SIGLEC5: variants seen among roughly 807,000 people sequenced by gnomAD.
SIGLEC5 encodes the protein sialic acid-binding Ig-like lectin 5.
In SIGLEC5, 34 loss-of-function variants were observed where a neutral mutation model predicts 45.9. The ratio of observed to expected loss-of-function variants is 0.74; its 90% CI spans 0.56 to 0.99. The LOEUF is 0.99. Among genes scored for constraint, SIGLEC5 ranks in the 50% least tolerant of loss-of-function variants. The probability of loss-of-function intolerance (pLI) is 0.00; values close to 1 mark genes in which losing one functional copy is unlikely to be tolerated. For synonymous variants in SIGLEC5, 203 were observed against 258.6 expected (o/e 0.79, Z 2.06); for missense variants, 508 against 629.6 (o/e 0.81, Z 2.07).
intron 8 of SIGLEC5, among the ~76,000 whole-genome samples, chr19:51,620,074 T>TAA (rs1555788073): frequency 6.6e-6 from 1 of 151,110 alleles, no homozygotes; most frequent in Non-Finnish European, 1.5e-5. Context: ...TATATATATA[T>TAA]AACTTAGGTG....
chr19:51,619,225 C>T (rs1223045786), intron 8 of SIGLEC5, among the ~76,000 whole-genome samples: 2 of 152,188 alleles, frequency 1.3e-5, no homozygotes, highest in Admixed American at 6.5e-5. Context: ...CAGGTGCCTG[C>T]CACCATCCAG....
chr19:51,629,271 T>TACACACACACACACAC lies in SIGLEC5; in HGVS notation c.700+71_700+86dup, dbSNP rs72330913. The TACACACACACACACAC allele has an allele frequency of 3.1e-5, 44 of 1,439,712 alleles. No homozygotes were observed. In the East Asian group the frequency reaches 5.1e-4, roughly 17 times the overall value. 89.2% of individuals were successfully genotyped at this position (1,439,712 alleles called of 1,614,324 possible). ...TTGTTTTGTTTCTCTCTGTCTTCCT[T>TACACACACACACACAC]ACACACACACACACACACACACACA... On this transcript the variant is annotated intron_variant, in intron 3 of 8. Transcript: ENST00000683636.
intron 8 of SIGLEC5, among the ~76,000 whole-genome samples, chr19:51,619,478 T>A (rs753564638): frequency 6.6e-6 from 1 of 152,182 alleles, no homozygotes; most frequent in Non-Finnish European, 1.5e-5. Context: ...AAAGTAGATA[T>A]CATAAAACCA....
chr19:51,611,002 A>G lies in SIGLEC5; in HGVS notation c.*1229T>C, dbSNP rs1427547821. Among the ~76,000 whole-genome samples the G allele has an allele frequency of 6.6e-6, 1 of 152,202 alleles. No homozygotes were observed. The highest frequency in any genetic ancestry group is 1.5e-5 in the Non-Finnish European group (1 of 68,030). ...TTTATTATTTTCAACACAAGGCTTG[A>G]TCAAAATTATCTAACCTGTCATAAC... On this transcript the variant is annotated 3_prime_UTR_variant, in exon 9 of 9. Coordinates refer to ENST00000683636, the MANE Select transcript of SIGLEC5 (RefSeq NM_003830.4).
chr19:51,627,814 C>T lies in SIGLEC5; in HGVS notation c.997+20G>A, dbSNP rs192856216. The T allele has an allele frequency of 2.4e-5, 38 of 1,584,930 alleles. No homozygotes were observed. Among genetic ancestry groups the T allele is most frequent in the Middle Eastern group, 3.4e-4 (2 of 5,882 alleles). ...TCTTTAATACCATGCAGTTCCTGCTCCAGCTGCCCCCACACTCACAGTAAA... is the reference window on the plus strand; with the variant it reads ...TCTTTAATACCATGCAGTTCCTGCTTCAGCTGCCCCCACACTCACAGTAAA... On this transcript the variant is annotated intron_variant, in intron 5 of 8. Coordinates refer to ENST00000683636, the MANE Select transcript of SIGLEC5 (RefSeq NM_003830.4).
chr19:51,629,364 C>G lies in SIGLEC5; in HGVS notation c.694G>C (p.Val232Leu). The G allele has an allele frequency of 6.2e-7, 1 of 1,613,790 alleles. No individual in the cohort carries two copies. Among genetic ancestry groups the G allele is most frequent in the Non-Finnish European group, 8.5e-7 (1 of 1,179,982 alleles). ...TGTCCCCAGCACCACTCACAGGAGACATTGAGCTGGACAGTTCTCTCCGTG... is the reference window on the plus strand; with the variant it reads ...TGTCCCCAGCACCACTCACAGGAGAGATTGAGCTGGACAGTTCTCTCCGTG... ...VTTERTVQLN[V>L]SYAPQTITIF... The change falls in exon 3 of 9, where the codon GTC becomes CTC. Residue 232 changes from valine (V) to leucine (L), a missense_variant. Physicochemically the swap from Val to Leu is conservative, Grantham distance 32 (BLOSUM62 1). This residue lies in a region of SIGLEC5 where 431 missense variants were observed against 428.8 expected (regional missense o/e 1.01). Coordinates refer to ENST00000683636, the MANE Select transcript of SIGLEC5 (RefSeq NM_003830.4).
intron 8 of SIGLEC5, among the ~76,000 whole-genome samples, chr19:51,619,266 G>C (rs1002422144): frequency 1.3e-5 from 2 of 152,230 alleles, no homozygotes; most frequent in Admixed American, 1.3e-4. Flanking sequence ...ATTTTTAGTA[G>C]AGACGGGGTT....
chr19:51,627,300 T>A, intron 6 of SIGLEC5, 52 bp from the exon 7 acceptor site: 1 of 1,580,242 alleles, frequency 6.3e-7, no homozygotes, highest in Non-Finnish European at 8.7e-7. Flanking sequence ...CAGACTCTTG[T>A]CCTCCCACCT....
intron 8 of SIGLEC5, among the ~76,000 whole-genome samples, chr19:51,613,142 G>T (rs1943350539): frequency 6.6e-6 from 1 of 152,184 alleles, no homozygotes; most frequent in Admixed American, 6.5e-5. Flanking sequence ...ACCGGACACA[G>T]GTCATAGGAA....
intron 8 of SIGLEC5, among the ~76,000 whole-genome samples, chr19:51,622,274 G>T (rs1445770513): frequency 6.6e-6 from 1 of 151,824 alleles, no homozygotes; most frequent in Non-Finnish European, 1.5e-5. Context: ...TGGGACTACA[G>T]GTGCCCACCA....
At chr19:51,614,752 C>A (rs138966005) in intron 8 of SIGLEC5, among the ~76,000 whole-genome samples, 1 of 152,242 alleles carries the variant, frequency 6.6e-6, no homozygotes, top group African/African-American at 2.4e-5. Flanking sequence ...TTTCTTTGGG[C>A]TAGATGCCGT....
intron 8 of SIGLEC5, among the ~76,000 whole-genome samples, chr19:51,619,300 T>C (rs546873409): frequency 6.6e-6 from 1 of 152,280 alleles, no homozygotes; most frequent in Non-Finnish European, 1.5e-5. Flanking sequence ...CAGGCTGGTC[T>C]TGAACTCCTG....
Position 51,625,555 on chromosome 19 carries a change from C to A in SIGLEC5, c.1464+477G>T, listed in dbSNP as rs10421678. On this transcript the variant is annotated intron_variant, in intron 8 of 8. Coordinates refer to ENST00000683636, the MANE Select transcript of SIGLEC5 (RefSeq NM_003830.4). ...TTTAGAAAGAAGGTTGGTGGCCGGG[C>A]GCGGTGGCTTACGCCTGTAATCCCA... 5.6e-3 allele frequency among the ~76,000 whole-genome samples: 845 copies of A among 152,244 alleles called. 5 individuals are homozygous for A. Among genetic ancestry groups the A allele is most frequent in the African/African-American group, 0.019 (808 of 41,536 alleles).
chr19:51,623,254 AT>A (rs993122788), intron 8 of SIGLEC5, among the ~76,000 whole-genome samples: 2 of 152,026 alleles, frequency 1.3e-5, no homozygotes, highest in East Asian at 1.9e-4. Context: ...GATGGGTGAA[AT>A]TTTTTTTAAT....
At chr19:51,629,155 G>A (rs1262860111) in intron 3 of SIGLEC5, 79 bp from the exon 4 acceptor site, 16 of 1,557,370 alleles carry the variant, frequency 1.0e-5, no homozygotes, top group Admixed American at 5.2e-5. Context: ...CCAAAGAGGA[G>A]CCACAGAAAC....
At chr19:51,623,245 A>G (rs1164641010) in intron 8 of SIGLEC5, among the ~76,000 whole-genome samples, 1 of 152,210 alleles carries the variant, frequency 6.6e-6, no homozygotes, top group Non-Finnish European at 1.5e-5. Flanking sequence ...TAATCTTAGG[A>G]TGGGTGAAAT....
chr19:51,618,462 A>C (rs1286438805), intron 8 of SIGLEC5, among the ~76,000 whole-genome samples: 5 of 150,274 alleles, frequency 3.3e-5, no homozygotes, highest in African/African-American at 1.2e-4. Context: ...AAAAAAAAAA[A>C]AAAAAACATC....
intron 8 of SIGLEC5, among the ~76,000 whole-genome samples, chr19:51,619,704 A>T (rs1983210364): frequency 6.6e-6 from 1 of 152,164 alleles, no homozygotes; most frequent in African/African-American, 2.4e-5. Context: ...ATTTATCCCT[A>T]ACTACGTTTT....
rs144851057 is a variant in SIGLEC5, at chr19:51,629,045, G to A, written c.732C>T (p.Asn244=). The A allele has an allele frequency of 2.6e-4, 425 of 1,613,782 alleles. No homozygotes were observed. The African/African-American group carries it at 4.0e-3, about 15-fold the overall frequency. ...AGAGGAGGTCTTTCCTACCTATGCC[G>A]TTCCTGAAGATGGTGATGGTCTGTG... ...YAPQTITIFR[N]GIALEILQNT... Residue 244 remains asparagine (N), a synonymous_variant, in exon 4 of 9, where the codon AAC becomes AAT. Transcript: ENST00000683636.
Sources: allele counts gnomAD v4.1 joint callset (sites outside exome capture counted in the v4.1 genomes callset), GRCh38; gene constraint gnomAD v4.1.1; regional missense constraint gnomAD v4.1.1; transcripts MANE v1.5; gene names NCBI Gene and HGNC (gene_info 2026-07-23, HGNC 2026-07-21).